VPS13B: variants seen among roughly 807,000 people sequenced by gnomAD.
VPS13B encodes intermembrane lipid transfer protein VPS13B.
Under a neutral mutation model 426.4 loss-of-function variants are expected in VPS13B, and 285 were observed. The ratio of observed to expected loss-of-function variants is 0.67; its 90% CI spans 0.61 to 0.74. The LOEUF (loss-of-function observed/expected upper bound fraction) is 0.74. VPS13B is among the 30% of genes least tolerant of loss of function. VPS13B has a pLI of 0.00. For missense variants in VPS13B, 4,537 were observed against 4,782.6 expected (o/e 0.95, Z 1.51); for synonymous variants, 1,676 against 1,676.4 (o/e 1.00, Z 0.01).
At chr8:99,726,625 T>C (rs1296922564) in intron 39 of VPS13B, among the ~76,000 whole-genome samples, 1 of 152,142 alleles carries the variant, frequency 6.6e-6, no homozygotes, top group African/African-American at 2.4e-5. Flanking sequence ...AAAATAAATA[T>C]GAAAACAAGA....
At chr8:99,141,757 AT>A (rs1810433204) in intron 12 of VPS13B, among the ~76,000 whole-genome samples, 1 of 151,886 alleles carries the variant, frequency 6.6e-6, no homozygotes, top group Admixed American at 6.6e-5. Flanking sequence ...AATCTAATTA[AT>A]TTTTGGCCAG....
chr8:99,105,649 G>T (rs1847007232), intron 5 of VPS13B, among the ~76,000 whole-genome samples: 1 of 152,172 alleles, frequency 6.6e-6, no homozygotes, highest in East Asian at 1.9e-4. Context: ...AGAATGCTGG[G>T]ATTACAGGCA....
chr8:99,022,888 T>C (rs1311659664), intron 2 of VPS13B, among the ~76,000 whole-genome samples: 2 of 152,172 alleles, frequency 1.3e-5, no homozygotes, highest in Non-Finnish European at 2.9e-5. Flanking sequence ...CTTTTTGGTA[T>C]TGTGGTCCCT....
chr8:99,463,468 AC>A (rs1818941823), intron 23 of VPS13B, among the ~76,000 whole-genome samples: 2 of 152,182 alleles, frequency 1.3e-5, no homozygotes, highest in Admixed American at 6.5e-5. Context: ...AGTTCATTTC[AC>A]ATTTCCTAAC....
chr8:99,576,943 A>G (rs929423990), intron 32 of VPS13B, among the ~76,000 whole-genome samples: 10 of 152,146 alleles, frequency 6.6e-5, no homozygotes, highest in Non-Finnish European at 1.5e-5. Context: ...CCTTTGGAGA[A>G]TATTCATACT....
chr8:99,830,820 A>G (rs549843059), intron 51 of VPS13B, among the ~76,000 whole-genome samples: 7 of 152,120 alleles, frequency 4.6e-5, no homozygotes, highest in Admixed American at 2.6e-4. Flanking sequence ...CCCTCACAGC[A>G]CAGTCCCTCA....
At chr8:99,230,376 G>C (rs549276567) in intron 17 of VPS13B, among the ~76,000 whole-genome samples, 1 of 152,308 alleles carries the variant, frequency 6.6e-6, no homozygotes, top group African/African-American at 2.4e-5. Context: ...GACCTGCACA[G>C]TGCTGCCTTC....
At chr8:99,521,650 C>T (rs1209775549) in intron 30 of VPS13B, among the ~76,000 whole-genome samples, 2 of 152,142 alleles carry the variant, frequency 1.3e-5, no homozygotes, top group African/African-American at 4.8e-5. Flanking sequence ...AGTACAGTTG[C>T]AAATAATACC....
At chr8:99,393,802 A>G (rs1265875341) in intron 21 of VPS13B, among the ~76,000 whole-genome samples, 1 of 152,100 alleles carries the variant, frequency 6.6e-6, no homozygotes, top group Non-Finnish European at 1.5e-5. Flanking sequence ...ACTCTTCTTG[A>G]TAATACTCTG....
chr8:99,810,550 GC>G (rs1813645054), intron 44 of VPS13B, among the ~76,000 whole-genome samples: 1 of 152,146 alleles, frequency 6.6e-6, no homozygotes, highest in Non-Finnish European at 1.5e-5. Context: ...ATTATTGTGG[GC>G]CACGGAAATA....
intron 54 of VPS13B, among the ~76,000 whole-genome samples, chr8:99,838,460 G>A (rs936259374): frequency 1.3e-5 from 2 of 152,122 alleles, no homozygotes; most frequent in African/African-American, 4.8e-5. Flanking sequence ...TTTTGAAAAA[G>A]TCAAAATAAG....
chr8:99,016,088 T>C (rs1438489248), intron 2 of VPS13B, among the ~76,000 whole-genome samples: 1 of 152,264 alleles, frequency 6.6e-6, no homozygotes, highest in Non-Finnish European at 1.5e-5. Flanking sequence ...GTATTGTCAG[T>C]ACTATTCCAT....
chr8:99,490,833 TG>T (rs1422427500), intron 25 of VPS13B, among the ~76,000 whole-genome samples: 11 of 152,180 alleles, frequency 7.2e-5, no homozygotes, highest in Admixed American at 7.2e-4. Context: ...TCTACTCTGT[TG>T]ATCTTTTCAA....
chr8:99,793,397 C>T (rs1385081335), intron 43 of VPS13B, among the ~76,000 whole-genome samples: 4 of 151,532 alleles, frequency 2.6e-5, no homozygotes, highest in Non-Finnish European at 4.4e-5. Flanking sequence ...AGGAAAACAA[C>T]GCATTACCTA....
intron 17 of VPS13B, among the ~76,000 whole-genome samples, chr8:99,249,832 G>A (rs1235869345): frequency 2.6e-5 from 4 of 152,188 alleles, no homozygotes; most frequent in Non-Finnish European, 5.9e-5. Context: ...CTTGAGCCCA[G>A]GAGTTTGCCG....
In VPS13B at chr8:99,215,412, G is replaced by A. The variant is rs117174494; in HGVS notation, c.2515+22355G>A. 4.0e-3 allele frequency among the ~76,000 whole-genome samples: 608 copies of A among 152,296 alleles called. 4 individuals carry two copies. Among genetic ancestry groups the A allele is most frequent in the Non-Finnish European group, 7.0e-3 (479 of 68,018 alleles). ...AATTTCTGTATGCATTCTTATCTGT[G>A]TCTAAAGTCCTTAAGACCATCCTTA... On this transcript the variant is annotated intron_variant, in intron 17 of 61. Coordinates refer to ENST00000357162, the MANE Select transcript of VPS13B (RefSeq NM_152564.5).
chr8:99,689,239 T>C (rs987256761), intron 35 of VPS13B, among the ~76,000 whole-genome samples: 5 of 150,958 alleles, frequency 3.3e-5, no homozygotes, highest in African/African-American at 1.2e-4. Context: ...AACCATATTT[T>C]GAAATGAAAT....
At chr8:99,794,070 G>A (rs535870212) in intron 43 of VPS13B, among the ~76,000 whole-genome samples, 2 of 152,152 alleles carry the variant, frequency 1.3e-5, no homozygotes, top group Non-Finnish European at 2.9e-5. Context: ...GACTAGCCAG[G>A]GGCAACATAG....
At chr8:99,302,301 T>C (rs1471311898) in intron 19 of VPS13B, among the ~76,000 whole-genome samples, 3 of 152,234 alleles carry the variant, frequency 2.0e-5, no homozygotes, top group Middle Eastern at 3.2e-3. Flanking sequence ...GATGTGTGTT[T>C]TGTTTTAATA....
Sources: gnomAD v4.1 joint callset for allele counts (sites outside exome capture counted in the v4.1 genomes callset) on GRCh38, gnomAD v4.1.1 for gene constraint, MANE v1.5 for transcripts, NCBI Gene and HGNC (gene_info 2026-07-23, HGNC 2026-07-21) for gene names.